UCP2: variants seen among roughly 807,000 people sequenced by gnomAD.
UCP2 encodes the protein uncoupling protein 2.
UCP2 carries 27 observed loss-of-function variants against 31.3 expected under a neutral mutation model. The ratio of observed to expected loss-of-function variants is 0.86; its 90% CI spans 0.64 to 1.19. UCP2 has a LOEUF of 1.19. Among genes scored for constraint, UCP2 ranks in the 50% most tolerant of loss-of-function variants. The pLI is 0.00. For synonymous variants in UCP2, 142 were observed against 157.4 expected, an observed-to-expected ratio of 0.90 and a Z score of 0.73; for missense variants, 377 against 413.5, an observed-to-expected ratio of 0.91 and a Z score of 0.76.
chr11:73,979,450 G>A (rs374969641), intron 2 of UCP2, among the ~76,000 whole-genome samples: 3 of 152,230 alleles, frequency 2.0e-5, no homozygotes, highest in African/African-American at 7.2e-5. Context: ...AGGAGGCTGA[G>A]GCAGGAGAAT....
At position 73,974,924 on chromosome 11, in the gene UCP2, G is replaced by GCGTAA; in HGVS notation, c.*82_*83insTTACG. On this transcript the variant is annotated 3_prime_UTR_variant, in exon 8 of 8. Transcript: ENST00000663595. ...AAGAGGGAAGGAGAGAAGGGAAGGA[G>GCGTAA]GGAAGAGAAAGAAGGAAGAAAAGGA... The GCGTAA allele has an allele frequency of 8.7e-7, 1 of 1,149,496 alleles. No homozygotes were observed. The highest frequency in any genetic ancestry group is 1.3e-6 in the Non-Finnish European group (1 of 779,120). 71.2% of individuals were successfully genotyped at this position (1,149,496 alleles called of 1,614,324 possible).
chr11:73,982,204 G>A (rs1296033522), intron 1 of UCP2, among the ~76,000 whole-genome samples: 2 of 152,234 alleles, frequency 1.3e-5, no homozygotes, highest in Non-Finnish European at 2.9e-5. Context: ...AAAGGTGGAG[G>A]CTCAAACGAC....
intron 4 of UCP2, 44 bp from the exon 5 acceptor site, chr11:73,977,061 A>G: frequency 6.4e-7 from 1 of 1,552,912 alleles, no homozygotes; most frequent in Non-Finnish European, 8.7e-7. Flanking sequence ...GCTTGCACTC[A>G]TTTTCTACCT....
At position 73,982,726 on chromosome 11, in the gene UCP2, C is replaced by T. The variant is rs1454268980; in HGVS notation, c.-262G>A. 1 of 152,500 alleles carries T rather than the reference C, an allele frequency of 6.6e-6. No individual in the cohort carries two copies. The highest frequency in any genetic ancestry group is 2.4e-5 in the African/African-American group (1 of 41,460). The allele number at this position is 152,500 out of a possible 1,614,324, so 9.4% of individuals were successfully genotyped here. ...AGGGCTGGGGCCAGGCTCACCGAGC[C>T]GCAGGGAGAACACGGCAGTGCGTGC... On this transcript the variant is annotated 5_prime_UTR_variant, in exon 1 of 8. Coordinates refer to ENST00000663595, the MANE Select transcript of UCP2 (RefSeq NM_003355.3).
At chr11:73,981,314 T>C (rs1204268363) in intron 2 of UCP2, 162 bp downstream of exon 2, 6 of 152,154 alleles carry the variant, frequency 3.9e-5, no homozygotes, top group Admixed American at 1.3e-4. Context: ...AGGGCCAGAA[T>C]GAGAGCGGGG....
Position 73,978,082 on chromosome 11 carries a change from A to C in UCP2, c.141T>G (p.Ser47Arg). 6.2e-7 allele frequency: 1 copy of C among 1,614,004 alleles called. No individual in the cohort carries two copies. The highest frequency in any genetic ancestry group is 8.5e-7 in the Non-Finnish European group (1 of 1,179,990). The change falls in exon 4 of 8, where the codon AGT (serine) becomes AGG (arginine). Residue 47 changes from serine to arginine, a missense_variant. Coordinates refer to ENST00000663595, the MANE Select transcript of UCP2 (RefSeq NM_003355.3). ...TGGCTGTAGCGCGCACTGGCCCCTGACTTTCTCCTTGGATCTGCAAGGCCA... is the reference window on the plus strand; with the variant it reads ...TGGCTGTAGCGCGCACTGGCCCCTGCCTTTCTCCTTGGATCTGCAAGGCCA... ...AKVRLQIQGE[S>R]QGPVRATASA...
At chr11:73,979,570 A>T (rs1951418260) in intron 2 of UCP2, among the ~76,000 whole-genome samples, 1 of 152,042 alleles carries the variant, frequency 6.6e-6, no homozygotes, top group Admixed American at 6.6e-5. Context: ...CAAACAAAAA[A>T]AAACCTAGCA....
Position 73,974,965 on chromosome 11 carries a change from A to C in UCP2, c.*42T>G. On this transcript the variant is annotated 3_prime_UTR_variant, in exon 8 of 8. Coordinates refer to ENST00000663595, the MANE Select transcript of UCP2 (RefSeq NM_003355.3). ...AAGAAAAGGAAAGCATGGCCCGGCTAGAGACAAAGCCAGAGGTGATCAGGT... is the reference window on the plus strand; with the variant it reads ...AAGAAAAGGAAAGCATGGCCCGGCTCGAGACAAAGCCAGAGGTGATCAGGT... 2.3e-4 allele frequency: 349 copies of C among 1,507,944 alleles called. No homozygotes were observed. The highest frequency in any genetic ancestry group is 2.9e-4 in the Non-Finnish European group (316 of 1,090,352). The allele number at this position is 1,507,944 out of a possible 1,614,324, so 93.4% of individuals were successfully genotyped here. A position where few individuals can be genotyped will look rare whatever the true frequency, so the allele number is the denominator to read the frequency against.
chr11:73,977,018 CT>C lies in UCP2; in HGVS notation c.338-2del. 22 of 1,597,570 alleles carry C rather than the reference CT, an allele frequency of 1.4e-5. No homozygotes were observed. The highest frequency in any genetic ancestry group is 1.8e-5 in the Non-Finnish European group (21 of 1,169,454). On this transcript the variant is annotated splice_acceptor_variant, in intron 4 of 7. Transcript: ENST00000663595. LOFTEE classifies it high-confidence loss of function. ...AGGAGGCGGCTCCCAATGCTGGCAT[CT>C]GTGGGCGAGCCATGGGGTCAGTGGC... is the stretch of plus-strand genomic sequence containing the variant.
At position 73,974,905 on chromosome 11, in the gene UCP2, G is replaced by GAAGGTGGTAGGTA; in HGVS notation, c.*101_*102insTACCTACCACCTT. ...CGGAAGGAAGAGGTGGGGAAAGAGG[G>GAAGGTGGTAGGTA]AAGGAGAGAAGGGAAGGAGGGAAGA... is the stretch of plus-strand genomic sequence containing the variant. On this transcript the variant is annotated 3_prime_UTR_variant, in exon 8 of 8. Transcript: ENST00000663595. The GAAGGTGGTAGGTA allele has an allele frequency of 1.0e-6, 1 of 969,924 alleles. No individual in the cohort carries two copies. Among genetic ancestry groups the GAAGGTGGTAGGTA allele is most frequent in the East Asian group, 2.6e-5 (1 of 38,200 alleles). The allele number at this position is 969,924 out of a possible 1,614,324, so 60.1% of individuals were successfully genotyped here. A position where few individuals can be genotyped will look rare whatever the true frequency, so the allele number is the denominator to read the frequency against.
intron 7 of UCP2, 47 bp from the exon 8 acceptor site, chr11:73,975,168 T>C: frequency 6.6e-7 from 1 of 1,505,572 alleles, no homozygotes; most frequent in Non-Finnish European, 9.1e-7. Context: ...CACCTCCCAC[T>C]TCCCTCACTG....
chr11:73,977,934 TG>T lies in UCP2; in HGVS notation c.288del (p.Ile97SerfsTer25). On this transcript the variant is annotated frameshift_variant, in exon 4 of 8. Transcript: ENST00000663595. LOFTEE classifies it high-confidence loss of function. ...LQRQMSFASV[R>X]IGLYDSVKQF... The stretch of plus-strand genomic sequence containing the variant: ...TGTTTGACAGAATCATACAGGCCGA[TG>T]CGGACAGAGGCAAAGCTCATTTGGC... The T allele has an allele frequency of 1.9e-6, 3 of 1,614,072 alleles. No homozygotes were observed. Among genetic ancestry groups the T allele is most frequent in the Non-Finnish European group, 2.5e-6 (3 of 1,179,996 alleles).
chr11:73,976,542 G>A (rs142148957), intron 6 of UCP2, 99 bp downstream of exon 6: 1 of 971,958 alleles, frequency 1.0e-6, no homozygotes, highest in African/African-American at 1.6e-5. Context: ...AGGGCAAATA[G>A]GATGAAAAGA....
chr11:73,976,329 C>CA (rs1951343900), intron 6 of UCP2, among the ~76,000 whole-genome samples: 1 of 152,046 alleles, frequency 6.6e-6, no homozygotes, highest in Non-Finnish European at 1.5e-5. Context: ...ACACGGGTAA[C>CA]AGAGTGAGAC....
intron 2 of UCP2, chr11:73,978,789 T>C (rs767763002): frequency 5.7e-4 from 179 of 314,276 alleles, no homozygotes; most frequent in Non-Finnish European, 8.0e-4. Flanking sequence ...TGCAGAGATT[T>C]CACTGATGAT....
At position 73,976,879 on chromosome 11, in the gene UCP2, G is replaced by C; in HGVS notation, c.476C>G (p.Thr159Ser). 1.2e-6 allele frequency: 2 copies of C among 1,614,206 alleles called. No individual in the cohort carries two copies. Among genetic ancestry groups the C allele is most frequent in the Non-Finnish European group, 1.7e-6 (2 of 1,180,040 alleles). ...RAGGGRRYQS[T>S]VNAYKTIARE... ...GGCAATGGTCTTGTAGGCATTGACG[G>C]TGCTTTGGTATCTCCGACCACCTCC... Residue 159 changes from threonine to serine, a missense_variant, in exon 5 of 8, where the codon ACC becomes AGC. Thr to Ser is a moderately conservative substitution (Grantham distance 58). Coordinates refer to ENST00000663595, the MANE Select transcript of UCP2 (RefSeq NM_003355.3).
At chr11:73,975,822 T>C in intron 6 of UCP2, 151 bp from the exon 7 acceptor site, 1 of 841,848 alleles carries the variant, frequency 1.2e-6, no homozygotes, top group East Asian at 2.8e-5. Context: ...GGACTTCTTT[T>C]GGAGGCCGAG....
chr11:73,975,811 A>C, intron 6 of UCP2, 140 bp from the exon 7 acceptor site: 2 of 1,068,922 alleles, frequency 1.9e-6, no homozygotes, highest in Admixed American at 2.2e-5. Context: ...CCTGTAATCC[A>C]GGACTTCTTT....
chr11:73,979,382 G>A (rs1405330327), intron 2 of UCP2, among the ~76,000 whole-genome samples: 6 of 151,874 alleles, frequency 4.0e-5, no homozygotes, highest in African/African-American at 1.2e-4. Flanking sequence ...CCCCATCTCC[G>A]CTAAAAATAC....
Sources: gnomAD v4.1 joint callset for allele counts (sites outside exome capture counted in the v4.1 genomes callset) on GRCh38, gnomAD v4.1.1 for gene constraint, MANE v1.5 for transcripts, NCBI Gene and HGNC (gene_info 2026-07-23, HGNC 2026-07-21) for gene names.